Variants in TCAIM observed in about 807,000 individuals in gnomAD.
TCAIM encodes T cell activation inhibitor, mitochondrial.
A neutral mutation model predicts 58.6 loss-of-function variants in TCAIM; 36 were observed. The ratio of observed to expected loss-of-function variants is 0.61; its 90% CI spans 0.47 to 0.81. The LOEUF (loss-of-function observed/expected upper bound fraction) is 0.81. Ranked by LOEUF, TCAIM falls within the 30% of genes least tolerant of loss-of-function variation. The probability of loss-of-function intolerance (pLI) is 0.00; values close to 1 mark genes in which losing one functional copy is unlikely to be tolerated. For missense variants in TCAIM, 466 were observed against 579.6 expected, an observed-to-expected ratio of 0.80 and a Z score of 2.01; for synonymous variants, 172 against 193.6, an observed-to-expected ratio of 0.89 and a Z score of 0.93.
chr3:44,349,180 AAAG>A (rs1701034094), intron 1 of TCAIM, among the ~76,000 whole-genome samples: 1 of 152,078 alleles, frequency 6.6e-6, no homozygotes, highest in Admixed American at 6.6e-5. Context: ...GATAAGAGAG[AAAG>A]AAGAAAGATT....
chr3:44,405,066 A>G (rs909590583), intron 10 of TCAIM, among the ~76,000 whole-genome samples: 5 of 152,080 alleles, frequency 3.3e-5, no homozygotes, highest in Admixed American at 2.6e-4. Context: ...GTCTCTTGGC[A>G]TTGCCTGGCT....
At chr3:44,338,988 A>G (rs1700795555) in intron 1 of TCAIM, among the ~76,000 whole-genome samples, 154 bp downstream of exon 1, 1 of 152,210 alleles carries the variant, frequency 6.6e-6, no homozygotes, top group Non-Finnish European at 1.5e-5. Flanking sequence ...CATCGCATCT[A>G]CATTTTAACT....
chr3:44,372,210 G>C (rs531779021), intron 5 of TCAIM, among the ~76,000 whole-genome samples: 9 of 152,248 alleles, frequency 5.9e-5, no homozygotes, highest in African/African-American at 1.4e-4. Flanking sequence ...TGGAACTAAT[G>C]CCTCATGTAT....
Position 44,392,964 on chromosome 3 carries a change from CTCTCAGA to C in TCAIM, c.684_690del (p.Asp230GlyfsTer18). ...AGATGAACTGTCTCATCAATTGCAACTCTCAGATATCAGGTAAGAAAGAAGAGAGAAC... is the reference window on the plus strand; with the variant it reads ...AGATGAACTGTCTCATCAATTGCAACTATCAGGTAAGAAAGAAGAGAGAAC... On this transcript the variant is annotated frameshift_variant, in exon 6 of 11. Coordinates refer to ENST00000342649, the MANE Select transcript of TCAIM (RefSeq NM_173826.4). LOFTEE classifies it high-confidence loss of function. 1.2e-6 allele frequency: 2 copies of C among 1,610,754 alleles called. No homozygotes were observed. The highest frequency in any genetic ancestry group is 1.7e-6 in the Non-Finnish European group (2 of 1,178,584).
chr3:44,381,720 T>C (rs536106770), intron 5 of TCAIM, among the ~76,000 whole-genome samples: 8 of 152,310 alleles, frequency 5.3e-5, no homozygotes, highest in African/African-American at 1.7e-4. Flanking sequence ...AATGGTCTTA[T>C]ACATAGAAAA....
At chr3:44,362,389 A>G (rs1701307514) in intron 4 of TCAIM, 1 of 400,720 alleles carries the variant, frequency 2.5e-6, no homozygotes, top group Non-Finnish European at 4.4e-6. Context: ...GAAGATCCCT[A>G]ATTTACACCT....
chr3:44,386,892 A>G (rs1218850546), intron 5 of TCAIM, among the ~76,000 whole-genome samples: 1 of 152,216 alleles, frequency 6.6e-6, no homozygotes, highest in Non-Finnish European at 1.5e-5. Context: ...CAGGTCCCTG[A>G]TGAAACCCCA....
At chr3:44,349,332 G>T (rs573191831) in intron 1 of TCAIM, among the ~76,000 whole-genome samples, 12 of 152,180 alleles carry the variant, frequency 7.9e-5, no homozygotes, top group Non-Finnish European at 1.8e-4. Flanking sequence ...AATTGAAAGT[G>T]CCGTTTTCTG....
chr3:44,381,773 A>G (rs1185551633), intron 5 of TCAIM, among the ~76,000 whole-genome samples: 1 of 152,214 alleles, frequency 6.6e-6, no homozygotes, highest in Non-Finnish European at 1.5e-5. Flanking sequence ...CTAATTAGCA[A>G]ATTCAGCAAG....
intron 5 of TCAIM, among the ~76,000 whole-genome samples, chr3:44,385,968 A>G (rs1254642285): frequency 6.6e-6 from 1 of 152,180 alleles, no homozygotes; most frequent in Non-Finnish European, 1.5e-5. Flanking sequence ...AAATGCTTAC[A>G]AACAGTAGCC....
chr3:44,390,248 C>A (rs1039655346), intron 5 of TCAIM, among the ~76,000 whole-genome samples: 1 of 152,168 alleles, frequency 6.6e-6, no homozygotes, highest in Non-Finnish European at 1.5e-5. Context: ...TTTTTAAATG[C>A]TTTAGATCAC....
rs1702140741 is a variant in TCAIM, at chr3:44,408,872, A to G, written c.*1190A>G. The G allele has an allele frequency of 6.6e-6, 1 of 152,122 alleles. No individual in the cohort carries two copies. The highest frequency in any genetic ancestry group is 1.9e-4 in the East Asian group (1 of 5,192). 9.4% of individuals were successfully genotyped at this position (152,122 alleles called of 1,614,324 possible). ...ATGGTGTCCCCAGCACAGCCGAGAG[A>G]CCTGATCTCTGGATTCAGTGCTTTT... On this transcript the variant is annotated 3_prime_UTR_variant, in exon 11 of 11. Transcript: ENST00000342649.
chr3:44,394,384 T>C (rs1472047479), intron 6 of TCAIM, among the ~76,000 whole-genome samples: 1 of 152,140 alleles, frequency 6.6e-6, no homozygotes, highest in Non-Finnish European at 1.5e-5. Context: ...TAGCATAAAC[T>C]TTTCTAACTA....
At chr3:44,347,612 A>G (rs1021229032) in intron 1 of TCAIM, among the ~76,000 whole-genome samples, 5 of 152,230 alleles carry the variant, frequency 3.3e-5, no homozygotes, top group Admixed American at 6.5e-5. Flanking sequence ...AATTTGGCTG[A>G]TAAGGCACAG....
intron 5 of TCAIM, among the ~76,000 whole-genome samples, chr3:44,389,690 A>G (rs768058231): frequency 7.9e-5 from 12 of 152,068 alleles, no homozygotes; most frequent in Non-Finnish European, 1.8e-4. Flanking sequence ...ATGTTTACGA[A>G]TATTCTTAAA....
chr3:44,403,917 T>C (rs1702060548), intron 10 of TCAIM, among the ~76,000 whole-genome samples: 1 of 152,136 alleles, frequency 6.6e-6, no homozygotes, highest in Admixed American at 6.6e-5. Context: ...AACCCCGCAG[T>C]GGACTCTCGT....
intron 1 of TCAIM, among the ~76,000 whole-genome samples, chr3:44,350,499 T>C (rs543180482): frequency 6.6e-6 from 1 of 152,044 alleles, no homozygotes; most frequent in South Asian, 2.1e-4. Flanking sequence ...GCAGCACGAT[T>C]GCAGCTCACT....
chr3:44,377,667 G>T lies in TCAIM; in HGVS notation c.572+9959G>T, dbSNP rs907866335. Among the ~76,000 whole-genome samples, 8 of 152,252 alleles carry T rather than the reference G, an allele frequency of 5.3e-5. No individual in the cohort carries two copies. In the East Asian group the frequency reaches 9.7e-4, roughly 18 times the overall value. ...AGATTTCAAAAGATAAATATACAGA[G>T]TATCTTCTCTGACCAAAATGGGATG... is the stretch of plus-strand genomic sequence containing the variant. On this transcript the variant is annotated intron_variant, in intron 5 of 10. Transcript: ENST00000342649.
intron 1 of TCAIM, among the ~76,000 whole-genome samples, chr3:44,353,118 A>G (rs1242249409): frequency 1.3e-5 from 2 of 151,666 alleles, no homozygotes; most frequent in Non-Finnish European, 2.9e-5. Context: ...ACAGGGTTTC[A>G]CCGTGTTGGT....
Sources: gnomAD v4.1 joint callset for allele counts (sites outside exome capture counted in the v4.1 genomes callset) on GRCh38, gnomAD v4.1.1 for gene constraint, MANE v1.5 for transcripts, NCBI Gene and HGNC (gene_info 2026-07-23, HGNC 2026-07-21) for gene names.